SRD5A3: variants seen among roughly 807,000 people sequenced by gnomAD.
SRD5A3 encodes polyprenal reductase.
Under a neutral mutation model 34.3 loss-of-function variants are expected in SRD5A3, and 24 were observed. That is an observed-to-expected ratio of 0.70 (90% CI 0.51 to 0.99). The LOEUF (loss-of-function observed/expected upper bound fraction) is 0.99, where lower values mean the gene tolerates loss of function less well. Ranked by LOEUF, SRD5A3 falls within the 50% of genes least tolerant of loss-of-function variation. The probability of loss-of-function intolerance (pLI) is 0.00; values close to 1 mark genes in which losing one functional copy is unlikely to be tolerated. For missense variants in SRD5A3, 350 were observed against 388.2 expected (o/e 0.90, Z 0.83); for synonymous variants, 161 against 167.3 (o/e 0.96, Z 0.29).
chr4:55,349,498 C>A (rs1370721050), intron 1 of SRD5A3, among the ~76,000 whole-genome samples: 1 of 149,524 alleles, frequency 6.7e-6, no homozygotes, highest in East Asian at 2.0e-4. Flanking sequence ...GAAATTGGTT[C>A]TTGGAATGTT....
At chr4:55,351,467 C>T (rs752610859) in intron 1 of SRD5A3, among the ~76,000 whole-genome samples, 1 of 151,944 alleles carries the variant, frequency 6.6e-6, no homozygotes, top group South Asian at 2.1e-4. Flanking sequence ...AATCCCAGCA[C>T]CGTGGGAGGC....
intron 3 of SRD5A3, chr4:55,367,127 C>T (rs1719929551): frequency 4.7e-6 from 1 of 210,980 alleles, no homozygotes. Flanking sequence ...AGGATGGTAG[C>T]TCAGAGAGAG....
At chr4:55,356,000 ATTTTTTTTTT>A (rs10648522) in intron 1 of SRD5A3, among the ~76,000 whole-genome samples, 3 of 74,264 alleles carry the variant, frequency 4.0e-5, no homozygotes, top group Non-Finnish European at 7.0e-5. Flanking sequence ...TTTTGCCTCC[ATTTTTTTTTT>A]TTTTTTTTTT....
chr4:55,358,341 G>T (rs1452515294), intron 1 of SRD5A3, among the ~76,000 whole-genome samples: 20 of 152,064 alleles, frequency 1.3e-4, no homozygotes, highest in African/African-American at 4.6e-4. Flanking sequence ...GACCAGCCTG[G>T]GCAGCATAGG....
chr4:55,360,498 C>CT (rs1719640756), intron 2 of SRD5A3, among the ~76,000 whole-genome samples: 1 of 151,680 alleles, frequency 6.6e-6, no homozygotes, highest in Non-Finnish European at 1.5e-5. Flanking sequence ...CAGAGGGAGA[C>CT]TTTGTCTCAA....
At chr4:55,366,405 T>C (rs749707362) in intron 3 of SRD5A3, among the ~76,000 whole-genome samples, 4 of 152,182 alleles carry the variant, frequency 2.6e-5, no homozygotes, top group Non-Finnish European at 4.4e-5. Context: ...CTCAAACCCC[T>C]GGCCTCAAGT....
chr4:55,371,903 C>A lies in SRD5A3; in HGVS notation c.*1812C>A, dbSNP rs1720142365. The A allele has an allele frequency of 6.6e-6, 1 of 152,204 alleles. No individual in the cohort carries two copies. The highest frequency in any genetic ancestry group is 2.4e-5 in the African/African-American group (1 of 41,438). The allele number at this position is 152,204 out of a possible 1,614,324, so 9.4% of individuals were successfully genotyped here. On this transcript the variant is annotated 3_prime_UTR_variant, in exon 5 of 5. Transcript: ENST00000264228. Reference sequence around the variant, plus strand: ...CTCCTGACCTCAGGTGATCCACCTGCTTCGGCCTCCCAAAGTGCTGGGATT... The same window carrying A: ...CTCCTGACCTCAGGTGATCCACCTGATTCGGCCTCCCAAAGTGCTGGGATT...
chr4:55,359,671 C>T (rs1165072027), intron 2 of SRD5A3, among the ~76,000 whole-genome samples, 183 bp downstream of exon 2: 1 of 152,190 alleles, frequency 6.6e-6, no homozygotes, highest in East Asian at 1.9e-4. Context: ...AAGGATGTCC[C>T]TAAGCCCTTC....
intron 4 of SRD5A3, among the ~76,000 whole-genome samples, chr4:55,368,725 C>G (rs1720004451): frequency 6.7e-6 from 1 of 150,014 alleles, no homozygotes; most frequent in African/African-American, 2.5e-5. Flanking sequence ...TACACCCGGC[C>G]TATTATTTAT....
In SRD5A3 at chr4:55,367,666, C is replaced by G; in HGVS notation, c.641C>G (p.Ser214Cys). 6.2e-7 allele frequency: 1 copy of G among 1,614,144 alleles called. No individual in the cohort carries two copies. The highest frequency in any genetic ancestry group is 2.2e-5 in the East Asian group (1 of 44,884). ...ILGMMMFIWS[S>C]AHQYKCHVIL... ...GGGATGATGATGTTCATCTGGTCAT[C>G]TGCCCATCAGTATAAGTGCCATGTT... is the stretch of plus-strand genomic sequence containing the variant. The change falls in exon 4 of 5, where the codon TCT (serine) becomes TGT (cysteine). Residue 214 changes from serine to cysteine, a missense_variant. Ser to Cys is a moderately radical substitution (Grantham distance 112, BLOSUM62 -1). Transcript: ENST00000264228.
At chr4:55,355,433 GGGCAACAGA>G (rs1269630748) in intron 1 of SRD5A3, among the ~76,000 whole-genome samples, 2 of 151,502 alleles carry the variant, frequency 1.3e-5, no homozygotes, top group Non-Finnish European at 2.9e-5. Context: ...ACTCCAGCCT[GGGCAACAGA>G]GCGAGACTCC....
intron 1 of SRD5A3, among the ~76,000 whole-genome samples, chr4:55,347,646 A>T (rs1054875456): frequency 7.2e-5 from 11 of 152,210 alleles, no homozygotes; most frequent in Admixed American, 6.5e-4. Flanking sequence ...ATTTTTTTTT[A>T]AAGGTTAAAA....
At chr4:55,352,103 A>G in intron 1 of SRD5A3, 1 of 783,654 alleles carries the variant, frequency 1.3e-6, no homozygotes, top group Admixed American at 1.7e-5. Context: ...ACAATCAGTT[A>G]TACAAGGAAT....
At chr4:55,354,192 G>C (rs1448313418) in intron 1 of SRD5A3, among the ~76,000 whole-genome samples, 1 of 152,096 alleles carries the variant, frequency 6.6e-6, no homozygotes, top group Non-Finnish European at 1.5e-5. Flanking sequence ...CCATCTCCTG[G>C]GTTCAAGTGA....
rs373949983 is a variant in SRD5A3, at chr4:55,364,181, A to G, written c.472A>G (p.Ile158Val). 1.1e-5 allele frequency: 18 copies of G among 1,614,088 alleles called. No homozygotes were observed. The highest frequency in any genetic ancestry group is 1.4e-5 in the Non-Finnish European group (16 of 1,180,022). The change falls in exon 3 of 5, where the codon ATT becomes GTT. Residue 158 changes from isoleucine to valine, a missense_variant. Coordinates refer to ENST00000264228, the MANE Select transcript of SRD5A3 (RefSeq NM_024592.5). Reference sequence around the variant, plus strand: ...CGTCAGTGTCTTCTCCAATGTCATGATTCACGTCGTGCAGTACTGTTTTGG... The same window carrying G: ...CGTCAGTGTCTTCTCCAATGTCATGGTTCACGTCGTGCAGTACTGTTTTGG... ...LYVSVFSNVMIHVVQYCFGLV... is the reference protein window; with the variant it reads ...LYVSVFSNVMVHVVQYCFGLV...
At chr4:55,367,063 T>C (rs908943406) in intron 3 of SRD5A3, 5 of 165,592 alleles carry the variant, frequency 3.0e-5, no homozygotes, top group African/African-American at 1.2e-4. Context: ...TGGTGATTTC[T>C]TTCATTGACC....
chr4:55,346,679 T>A, intron 1 of SRD5A3, 122 bp downstream of exon 1: 1 of 925,714 alleles, frequency 1.1e-6, no homozygotes, highest in African/African-American at 1.8e-5. Flanking sequence ...CCCTGGCGGG[T>A]TCCCGGGCGC....
intron 2 of SRD5A3, among the ~76,000 whole-genome samples, chr4:55,361,926 G>A (rs1719701332): frequency 6.6e-6 from 1 of 152,082 alleles, no homozygotes. Flanking sequence ...GGGGTGTTTT[G>A]GTATTTGGAG....
chr4:55,354,035 A>T (rs137966579), intron 1 of SRD5A3, among the ~76,000 whole-genome samples: 1 of 152,176 alleles, frequency 6.6e-6, no homozygotes, highest in Non-Finnish European at 1.5e-5. Flanking sequence ...GTAAACATTA[A>T]TTCCCCTTCT....
Sources: allele counts gnomAD v4.1 joint callset (sites outside exome capture counted in the v4.1 genomes callset), GRCh38; gene constraint gnomAD v4.1.1; transcripts MANE v1.5; gene names NCBI Gene and HGNC (gene_info 2026-07-23, HGNC 2026-07-21).